RPS6KC1: variants seen among roughly 807,000 people sequenced by gnomAD.
The protein encoded by RPS6KC1 is inactive ribosomal protein S6 kinase delta-1.
In RPS6KC1, 54 loss-of-function variants were observed where a neutral mutation model predicts 103.8. The observed-to-expected ratio is 0.52, with a 90% CI of 0.42 to 0.65. RPS6KC1 has a LOEUF of 0.65. RPS6KC1 is among the 30% of genes least tolerant of loss of function. The pLI, the probability that RPS6KC1 is intolerant of heterozygous loss-of-function variation, is 0.00. For synonymous variants in RPS6KC1, 439 were observed against 438.7 expected (o/e 1.00, Z -0.01); for missense variants, 1,151 against 1,253.8 (o/e 0.92, Z 1.24).
At chr1:213,260,616 A>T (rs1258318819) in intron 12 of RPS6KC1, among the ~76,000 whole-genome samples, 1 of 151,618 alleles carries the variant, frequency 6.6e-6, no homozygotes, top group Non-Finnish European at 1.5e-5. Context: ...GTAGTTATGA[A>T]TTGTGGGTTA....
At chr1:213,689,175 T>C in the RPS6KC1 span, among the ~76,000 whole-genome samples, 1 of 152,186 alleles carries the variant, frequency 6.6e-6, no homozygotes, top group Non-Finnish European at 1.5e-5. Context: ...TCCTCCCTCT[T>C]TCTGGATGTT....
At chr1:213,647,547 A>G in the RPS6KC1 span, among the ~76,000 whole-genome samples, 4,571 of 152,286 alleles carry the variant, frequency 0.03, 95 homozygotes, top group Middle Eastern at 0.044. Flanking sequence ...ACAAGTCCCC[A>G]TAACCTGGCT....
rs71573864 is a variant in RPS6KC1 at position 213,145,967 on chromosome 1, GTTTTTTTTTT to G, written c.835+16096_835+16105del. On this transcript the variant is annotated intron_variant, in intron 6 of 14. Coordinates refer to ENST00000366960, the MANE Select transcript of RPS6KC1 (RefSeq NM_012424.6). ...CAAATAGGTCTTATTCATTCATTCT[GTTTTTTTTTT>G]TTTTTTTTTTTTTTTTTGGTATATG... 1.1e-3 allele frequency among the ~76,000 whole-genome samples: 53 copies of G among 47,836 alleles called. 1 individual carries two copies. The highest frequency in any genetic ancestry group is 0.042 in the Middle Eastern group (2 of 48). The allele number at this position is 47,836 out of a possible 152,430, so 31.4% of individuals were successfully genotyped here.
chr1:213,720,708 T>C, the RPS6KC1 span, among the ~76,000 whole-genome samples: 1 of 152,248 alleles, frequency 6.6e-6, no homozygotes, highest in Non-Finnish European at 1.5e-5. Flanking sequence ...TCATTTGTAG[T>C]TGTACCTGCT....
the RPS6KC1 span, among the ~76,000 whole-genome samples, chr1:213,750,011 C>T: frequency 2.0e-5 from 3 of 152,334 alleles, no homozygotes; most frequent in Admixed American, 2.0e-4. Flanking sequence ...AAAGATGAAA[C>T]ACTGGGTAAG....
At chr1:213,086,786 T>A (rs1010933015) in intron 3 of RPS6KC1, among the ~76,000 whole-genome samples, 8 of 152,200 alleles carry the variant, frequency 5.3e-5, no homozygotes, top group Non-Finnish European at 1.0e-4. Flanking sequence ...AATGCACACA[T>A]TTATACATAC....
At chr1:213,820,190 A>T in the RPS6KC1 span, 1 of 152,054 alleles carries the variant, frequency 6.6e-6, no homozygotes, top group Non-Finnish European at 1.5e-5. Context: ...TTTCCCTAGG[A>T]CTCTGGGGAC....
intron 1 of RPS6KC1, among the ~76,000 whole-genome samples, chr1:213,069,871 C>T (rs1360548401): frequency 6.6e-6 from 1 of 152,032 alleles, no homozygotes. Context: ...GTGAGATTTT[C>T]CTAATTTAGG....
chr1:213,602,645 C>A, the RPS6KC1 span, among the ~76,000 whole-genome samples: 1 of 152,124 alleles, frequency 6.6e-6, no homozygotes, highest in African/African-American at 2.4e-5. Context: ...GTTGATGTTT[C>A]AATTTTCTGG....
the RPS6KC1 span, among the ~76,000 whole-genome samples, chr1:213,663,652 G>A: frequency 6.6e-6 from 1 of 152,166 alleles, no homozygotes; most frequent in Non-Finnish European, 1.5e-5. Flanking sequence ...ATTCCTCTCT[G>A]TCTCTTTCTG....
chr1:213,307,262 A>G, the RPS6KC1 span, among the ~76,000 whole-genome samples: 3 of 151,946 alleles, frequency 2.0e-5, no homozygotes, highest in African/African-American at 4.8e-5. Context: ...ACAGGGTTTC[A>G]CCGTGGTCTC....
intron 8 of RPS6KC1, among the ~76,000 whole-genome samples, chr1:213,214,971 C>T (rs979048975): frequency 2.0e-5 from 3 of 152,176 alleles, no homozygotes; most frequent in African/African-American, 4.8e-5. Flanking sequence ...ATCAGAGCGC[C>T]TGTCCTCCTC....
At chr1:213,804,187 A>AAAAAAC in the RPS6KC1 span, among the ~76,000 whole-genome samples, 10 of 150,076 alleles carry the variant, frequency 6.7e-5, no homozygotes, top group African/African-American at 2.4e-4. Context: ...AAAAAAAAAA[A>AAAAAAC]AAAAAAAAAA....
At chr1:213,052,661 C>T (rs2077047016) in intron 1 of RPS6KC1, among the ~76,000 whole-genome samples, 1 of 152,156 alleles carries the variant, frequency 6.6e-6, no homozygotes, top group Non-Finnish European at 1.5e-5. Flanking sequence ...CTACCTCAGC[C>T]TCCCGAGTAG....
the RPS6KC1 span, among the ~76,000 whole-genome samples, chr1:213,427,895 G>A: frequency 6.6e-6 from 1 of 152,202 alleles, no homozygotes; most frequent in Non-Finnish European, 1.5e-5. Context: ...GAAAGTCTAG[G>A]ATGCTAAGCA....
intron 6 of RPS6KC1, among the ~76,000 whole-genome samples, chr1:213,152,083 G>A (rs572188185): frequency 3.9e-4 from 56 of 143,956 alleles, no homozygotes; most frequent in African/African-American, 1.5e-3. Flanking sequence ...TCCCGGACGG[G>A]GCGGCTGGCT....
At chr1:213,623,491 G>A in the RPS6KC1 span, among the ~76,000 whole-genome samples, 1 of 152,134 alleles carries the variant, frequency 6.6e-6, no homozygotes, top group African/African-American at 2.4e-5. Flanking sequence ...TCACCCATAA[G>A]CGCTTACAGT....
At chr1:213,390,436 A>G in the RPS6KC1 span, among the ~76,000 whole-genome samples, 4 of 152,368 alleles carry the variant, frequency 2.6e-5, no homozygotes, top group South Asian at 8.3e-4. Context: ...AAAGGGATGG[A>G]CACTTATCTG....
At chr1:213,662,028 A>G in the RPS6KC1 span, among the ~76,000 whole-genome samples, 1 of 152,288 alleles carries the variant, frequency 6.6e-6, no homozygotes, top group South Asian at 2.1e-4. Context: ...GAAAACATTT[A>G]CCAAATCTCT....
Sources: allele counts gnomAD v4.1 joint callset (sites outside exome capture counted in the v4.1 genomes callset), GRCh38; gene constraint gnomAD v4.1.1; transcripts MANE v1.5; gene names NCBI Gene and HGNC (gene_info 2026-07-23, HGNC 2026-07-21).